The following BRPF3 variants were observed in gnomAD, a reference collection of about 807,000 sequenced individuals.
The protein encoded by BRPF3 is bromodomain and PHD finger-containing protein 3.
A neutral mutation model predicts 102.0 loss-of-function variants in BRPF3; 18 were observed. That is an observed-to-expected ratio of 0.18 (90% CI 0.12 to 0.26). The LOEUF (loss-of-function observed/expected upper bound fraction) is 0.26. Ranked by LOEUF, BRPF3 falls within the 10% of genes least tolerant of loss-of-function variation. The pLI, the probability that BRPF3 is intolerant of heterozygous loss-of-function variation, is 1.00. For synonymous variants in BRPF3, 570 were observed against 614.2 expected (o/e 0.93, Z 1.06); for missense variants, 1,147 against 1,567.8 (o/e 0.73, Z 4.53).
In BRPF3 at chr6:36,201,441, C is replaced by T; in HGVS notation, c.1119C>T (p.Thr373=). The part of the protein sequence containing the change: ...EPMRETSLNG[T]IFTVRKTAYC... The stretch of plus-strand genomic sequence containing the variant: ...TGCGCGAAACCAGCCTCAATGGCAC[C>T]ATCTTTACAGTGCGCAAGACTGCCT... Residue 373 remains threonine, a synonymous_variant, in exon 2 of 13, where the codon ACC becomes ACT. Coordinates refer to ENST00000357641, the MANE Select transcript of BRPF3 (RefSeq NM_015695.3). This position sits in a 1 kb window ranked among gnomAD's most constrained non-coding sequence, Gnocchi z 5.1. 1.9e-6 allele frequency: 3 copies of T among 1,614,184 alleles called. No homozygotes were observed. Among genetic ancestry groups the T allele is most frequent in the Non-Finnish European group, 1.7e-6 (2 of 1,180,038 alleles).
intron 1 of BRPF3, among the ~76,000 whole-genome samples, chr6:36,199,942 TC>T (rs1386038194): frequency 1.3e-5 from 2 of 152,166 alleles, no homozygotes; most frequent in African/African-American, 4.8e-5. Flanking sequence ...GAGCTTATAT[TC>T]TAGTGGAAGG....
chr6:36,211,471 C>A lies in BRPF3; in HGVS notation c.2393C>A (p.Ser798Tyr). Reference sequence around the variant, plus strand: ...CCACCATCACTCAACAAGACAGTATCCAATGGGGAGCTGCCAGCAGGGCCC... The same window carrying A: ...CCACCATCACTCAACAAGACAGTATACAATGGGGAGCTGCCAGCAGGGCCC... ...PQPPSLNKTV[S>Y]NGELPAGPQG... Residue 798 changes from serine (S) to tyrosine (Y), a missense_variant, in exon 7 of 13, where the codon TCC (serine) becomes TAC (tyrosine). Ser to Tyr is a moderately radical substitution (Grantham distance 144). Transcript: ENST00000357641. 6.3e-7 allele frequency: 1 copy of A among 1,597,076 alleles called. No individual in the cohort carries two copies. Among genetic ancestry groups the A allele is most frequent in the Non-Finnish European group, 8.5e-7 (1 of 1,171,744 alleles).
At position 36,232,568 on chromosome 6, in the gene BRPF3, A is replaced by G. The variant is rs763795189; in HGVS notation, c.*1959A>G. 5 of 152,640 alleles carry G rather than the reference A, an allele frequency of 3.3e-5. No individual in the cohort carries two copies. Among genetic ancestry groups the G allele is most frequent in the African/African-American group, 4.8e-5 (2 of 41,442 alleles). The allele number at this position is 152,640 out of a possible 1,614,324, so 9.5% of individuals were successfully genotyped here. On this transcript the variant is annotated 3_prime_UTR_variant, in exon 13 of 13. Coordinates refer to ENST00000357641, the MANE Select transcript of BRPF3 (RefSeq NM_015695.3). ...CAGATCCTGCTGTGGCACGGGGCCT[A>G]TGTGTCTCTGTCGCGTCTGCTGTGA...
At position 36,201,867 on chromosome 6, in the gene BRPF3, A is replaced by C; in HGVS notation, c.1448+97A>C. 6.8e-7 allele frequency: 1 copy of C among 1,473,940 alleles called. No homozygotes were observed. Among genetic ancestry groups the C allele is most frequent in the South Asian group, 1.4e-5 (1 of 69,644 alleles). 91.3% of individuals were successfully genotyped at this position (1,473,940 alleles called of 1,614,324 possible). On this transcript the variant is annotated intron_variant, in intron 2 of 12. Transcript: ENST00000357641. The surrounding 1 kb of genome is among the most constrained non-coding windows in gnomAD (Gnocchi z 5.1). ...CCTTCGCTAAACACAGTTGGACACTATATCCTCCTCCCCGAATTTAAACTC... is the reference window on the plus strand; with the variant it reads ...CCTTCGCTAAACACAGTTGGACACTCTATCCTCCTCCCCGAATTTAAACTC...
At chr6:36,207,169 G>T in intron 3 of BRPF3, 144 bp from the exon 4 acceptor site, 1 of 974,362 alleles carries the variant, frequency 1.0e-6, no homozygotes, top group Non-Finnish European at 1.5e-6. Context: ...AAGGCATGGG[G>T]TAGAGAGGGG....
chr6:36,213,909 C>G lies in BRPF3; in HGVS notation c.2512C>G (p.Leu838Val). 1.2e-6 allele frequency: 2 copies of G among 1,611,674 alleles called. No homozygotes were observed. Among genetic ancestry groups the G allele is most frequent in the Non-Finnish European group, 1.7e-6 (2 of 1,178,338 alleles). The change falls in exon 8 of 13, where the codon CTG (leucine) becomes GTG (valine). Residue 838 changes from leucine to valine, a missense_variant. Leu to Val is a conservative substitution (Grantham distance 32, BLOSUM62 1). Transcript: ENST00000357641. Reference sequence around the variant, plus strand: ...CTCCAAACTGCCTCCTCCGCCAACCCTGGAGCCCACTGGGCCTGCACCTTC... The same window carrying G: ...CTCCAAACTGCCTCCTCCGCCAACCGTGGAGCCCACTGGGCCTGCACCTTC... ...DDSKLPPPPTLEPTGPAPSLS... is the reference protein window; with the variant it reads ...DDSKLPPPPTVEPTGPAPSLS...
intron 10 of BRPF3, among the ~76,000 whole-genome samples, chr6:36,224,934 T>TA (rs1768679658): frequency 6.6e-6 from 1 of 152,198 alleles, no homozygotes; most frequent in Non-Finnish European, 1.5e-5. Flanking sequence ...GTCCAAAAAA[T>TA]AAAGTTTTAT....
chr6:36,202,410 A>ACCCCCCCCCCC (rs773009912), intron 2 of BRPF3, among the ~76,000 whole-genome samples: 36 of 102,236 alleles, frequency 3.5e-4, no homozygotes, highest in Non-Finnish European at 4.5e-4. Context: ...AGCTCTGTGG[A>ACCCCCCCCCCC]CCCCCCCCCC....
chr6:36,196,956 G>C lies in BRPF3; in HGVS notation c.-41G>C, dbSNP rs1355600956. 3.3e-5 allele frequency: 5 copies of C among 151,618 alleles called. No homozygotes were observed. Among genetic ancestry groups the C allele is most frequent in the Non-Finnish European group, 7.4e-5 (5 of 67,750 alleles). 9.4% of individuals were successfully genotyped at this position (151,618 alleles called of 1,614,324 possible). A position where few individuals can be genotyped will look rare whatever the true frequency, so the allele number is the denominator to read the frequency against. ...CCCAGGGGCCCCGAACGGTGGGGCC[G>C]GGCAGGCGGCTGAGGTAATGGGGGC... On this transcript the variant is annotated 5_prime_UTR_variant, in exon 1 of 13. Transcript: ENST00000357641.
At chr6:36,198,305 G>C (rs572405470) in intron 1 of BRPF3, among the ~76,000 whole-genome samples, 13 of 152,326 alleles carry the variant, frequency 8.5e-5, no homozygotes, top group African/African-American at 3.1e-4. Flanking sequence ...AGCACCTAGA[G>C]AGCTAGATTG....
intron 9 of BRPF3, 23 bp from the exon 10 acceptor site, chr6:36,222,145 C>T (rs1209195057): frequency 1.9e-6 from 3 of 1,549,830 alleles, no homozygotes; most frequent in Non-Finnish European, 2.6e-6. Context: ...CATTTCACCC[C>T]TCTCTCCCTG....
At chr6:36,204,520 T>G in intron 2 of BRPF3, 138 bp from the exon 3 acceptor site, 1 of 913,170 alleles carries the variant, frequency 1.1e-6, no homozygotes, top group Non-Finnish European at 1.8e-6. Flanking sequence ...AGCCTTTCTC[T>G]GAGGTGAGGT....
In BRPF3 at chr6:36,222,208, C is replaced by T; in HGVS notation, c.3124C>T (p.Leu1042=). ...CAAACGCAGCCGTGGGAAGCCAGCC[C>T]TGTCTCGAGTGCCCTTCCTGGAAGG... ...PPKRSRGKPA[L]SRVPFLEGVN... The change falls in exon 10 of 13, where the codon CTG becomes TTG. Residue 1042 remains leucine, a synonymous_variant. Transcript: ENST00000357641. 1.3e-6 allele frequency: 2 copies of T among 1,550,622 alleles called. No homozygotes were observed. The highest frequency in any genetic ancestry group is 1.7e-6 in the Non-Finnish European group (2 of 1,147,258).
chr6:36,210,557 A>T lies in BRPF3; in HGVS notation c.2179+29A>T, dbSNP rs1442036743. The stretch of plus-strand genomic sequence containing the variant: ...AGAGGCCTGGATGGGTGGGGAGGAG[A>T]GGGGCCAGGAGGAGGCACAGGAACA... On this transcript the variant is annotated intron_variant, in intron 6 of 12. Coordinates refer to ENST00000357641, the MANE Select transcript of BRPF3 (RefSeq NM_015695.3). The surrounding 1 kb of genome is among the most constrained non-coding windows in gnomAD (Gnocchi z 4.7). The T allele has an allele frequency of 1.9e-6, 3 of 1,551,024 alleles. No homozygotes were observed. Among genetic ancestry groups the T allele is most frequent in the Non-Finnish European group, 2.6e-6 (3 of 1,155,030 alleles).
At chr6:36,212,342 G>A (rs1768152318) in intron 7 of BRPF3, among the ~76,000 whole-genome samples, 1 of 152,066 alleles carries the variant, frequency 6.6e-6, no homozygotes, top group South Asian at 2.1e-4. Flanking sequence ...GAAAAGGCTG[G>A]AAGTTACTTC....
chr6:36,228,175 C>T lies in BRPF3; in HGVS notation c.3280-727C>T, dbSNP rs564231161. On this transcript the variant is annotated intron_variant, in intron 11 of 12. Transcript: ENST00000357641. Reference sequence around the variant, plus strand: ...TAACACCTGTTAGCAGACTTCTCAGCATCAGCAAGAGATTGAAATGAGATG... The same window carrying T: ...TAACACCTGTTAGCAGACTTCTCAGTATCAGCAAGAGATTGAAATGAGATG... Among the ~76,000 whole-genome samples the T allele has an allele frequency of 3.3e-5, 5 of 152,338 alleles. No individual in the cohort carries two copies. The South Asian group carries it at 6.2e-4, about 19-fold the overall frequency.
intron 3 of BRPF3, among the ~76,000 whole-genome samples, chr6:36,206,470 T>A (rs1432383368): frequency 6.6e-6 from 1 of 152,250 alleles, no homozygotes; most frequent in South Asian, 2.1e-4. Flanking sequence ...GTTAAGGCTC[T>A]TTTGCCTTAC....
intron 4 of BRPF3, among the ~76,000 whole-genome samples, chr6:36,209,145 A>AT (rs1768006664): frequency 6.6e-6 from 1 of 152,036 alleles, no homozygotes; most frequent in African/African-American, 2.4e-5. Context: ...TTCCATATAC[A>AT]TTTTTTTAAT....
rs1282496063 is a variant in BRPF3 at position 36,204,804 on chromosome 6, A to G, written c.1595A>G (p.Asn532Ser). 1.2e-6 allele frequency: 2 copies of G among 1,613,960 alleles called. No individual in the cohort carries two copies. The highest frequency in any genetic ancestry group is 1.3e-5 in the African/African-American group (1 of 74,950). ...RLHSHLQSQRNAEQREQDEKT... is the reference protein window; with the variant it reads ...RLHSHLQSQRSAEQREQDEKT... Reference sequence around the variant, plus strand: ...CACTCCCATCTGCAGTCCCAAAGAAACGCTGAGCAGGTAGGTGCAGTGGTG... The same window carrying G: ...CACTCCCATCTGCAGTCCCAAAGAAGCGCTGAGCAGGTAGGTGCAGTGGTG... The change falls in exon 3 of 13, where the codon AAC (asparagine) becomes AGC (serine). Residue 532 changes from asparagine (N) to serine (S), a missense_variant. Around this residue, in one of 11 missense-constraint regions of BRPF3, gnomAD observed 37 missense variants for 33.3 expected, o/e 1.11. Transcript: ENST00000357641.
Sources: gnomAD v4.1 joint callset for allele counts (sites outside exome capture counted in the v4.1 genomes callset) on GRCh38, gnomAD v4.1.1 for gene constraint, gnomAD v4.1.1 regional missense constraint, Gnocchi (gnomAD v3.1) non-coding constraint, MANE v1.5 for transcripts, NCBI Gene and HGNC (gene_info 2026-07-23, HGNC 2026-07-21) for gene names.